MOV10L1: variants seen among roughly 807,000 people sequenced by gnomAD.
The protein encoded by MOV10L1 is Mov10 like RNA helicase 1, also known as RNA helicase Mov10l1.
In MOV10L1, 110 loss-of-function variants were observed where a neutral mutation model predicts 143.8. The ratio of observed to expected loss-of-function variants is 0.76; its 90% CI spans 0.66 to 0.90. The LOEUF (loss-of-function observed/expected upper bound fraction) is 0.90, where lower values mean the gene tolerates loss of function less well. Among genes scored for constraint, MOV10L1 ranks in the 40% least tolerant of loss-of-function variants. The pLI is 0.00. For synonymous variants in MOV10L1, 593 were observed against 581.1 expected (o/e 1.02, Z -0.29); for missense variants, 1,406 against 1,526.8 (o/e 0.92, Z 1.32).
At chr22:50,132,057 C>T (rs933167034) in intron 13 of MOV10L1, among the ~76,000 whole-genome samples, 2 of 152,162 alleles carry the variant, frequency 1.3e-5, no homozygotes, top group Non-Finnish European at 2.9e-5. Context: ...CTCTGTGCTC[C>T]CTTGTGTAAG....
intron 22 of MOV10L1, among the ~76,000 whole-genome samples, chr22:50,155,482 C>A (rs953319404): frequency 6.6e-6 from 1 of 151,590 alleles, no homozygotes; most frequent in Non-Finnish European, 1.5e-5. Flanking sequence ...TTTTGTTTAT[C>A]TGTTTTGTTT....
At chr22:50,156,134 A>G (rs1279473062) in intron 22 of MOV10L1, among the ~76,000 whole-genome samples, 5 of 146,012 alleles carry the variant, frequency 3.4e-5, no homozygotes, top group Non-Finnish European at 6.0e-5. Flanking sequence ...TTTTTTTTTT[A>G]GACAGTTGTC....
intron 19 of MOV10L1, among the ~76,000 whole-genome samples, chr22:50,148,808 C>T (rs566390686): frequency 2.0e-5 from 3 of 152,210 alleles, no homozygotes; most frequent in South Asian, 2.1e-4. Context: ...GGACTACAGG[C>T]GCCCGCCACC....
chr22:50,100,709 G>A (rs1000611165), intron 3 of MOV10L1, among the ~76,000 whole-genome samples: 1 of 151,996 alleles, frequency 6.6e-6, no homozygotes, highest in Non-Finnish European at 1.5e-5. Context: ...GTTTCACCAT[G>A]TTGGCCAGTC....
intron 2 of MOV10L1, chr22:50,093,139 G>A (rs982765703): frequency 6.6e-6 from 1 of 152,210 alleles, no homozygotes; most frequent in Non-Finnish European, 1.5e-5. Context: ...CTGACCTCGT[G>A]ATCTGCCCAC....
chr22:50,127,067 T>G (rs373459683), intron 12 of MOV10L1, among the ~76,000 whole-genome samples: 15 of 152,250 alleles, frequency 9.9e-5, no homozygotes, highest in African/African-American at 3.4e-4. Flanking sequence ...GACTGAGATG[T>G]GAGACACGAG....
chr22:50,098,212 A>AATTAATT (rs2062639416), intron 2 of MOV10L1, among the ~76,000 whole-genome samples: 2 of 148,508 alleles, frequency 1.3e-5, no homozygotes, highest in Non-Finnish European at 2.9e-5. Flanking sequence ...TCTTAATAAT[A>AATTAATT]ATTAAGTATT....
At position 50,145,752 on chromosome 22, in the gene MOV10L1, T is replaced by G; in HGVS notation, c.2569T>G (p.Phe857Val). The change falls in exon 19 of 27, where the codon TTC becomes GTC. Residue 857 changes from phenylalanine to valine, a missense_variant. Phe to Val is a conservative substitution (Grantham distance 50). Transcript: ENST00000262794. ...AGAAGACATCTGGAAAGCCTCACGC[T>G]TCCGGATAATCATCACCACATGCAG... The part of the protein sequence containing the change: ...DGEDIWKASR[F>V]RIIITTCSSS... 6.2e-7 allele frequency: 1 copy of G among 1,614,156 alleles called. No homozygotes were observed. The highest frequency in any genetic ancestry group is 8.5e-7 in the Non-Finnish European group (1 of 1,180,028).
chr22:50,137,765 A>G (rs934006657), intron 15 of MOV10L1, among the ~76,000 whole-genome samples: 1 of 131,942 alleles, frequency 7.6e-6, no homozygotes, highest in Non-Finnish European at 1.6e-5. Context: ...ATAAATATAC[A>G]TATTTTATAT....
chr22:50,091,840 C>A (rs113730619), intron 1 of MOV10L1, among the ~76,000 whole-genome samples, 161 bp from the exon 2 acceptor site: 324 of 152,308 alleles, frequency 2.1e-3, no homozygotes, highest in African/African-American at 7.6e-3. Flanking sequence ...ACACAGCACT[C>A]TCTGATGGGA....
In MOV10L1 at chr22:50,157,779, AAAG is replaced by A. The variant is rs2063463675; in HGVS notation, c.3067-276_3067-274del. On this transcript the variant is annotated intron_variant, in intron 22 of 26. Transcript: ENST00000262794. ...CTAATATCAAAAAAAAAAAAAAAAA[AAAG>A]ATCAGAAATACCAGCCAGCCCTCCA... Among the ~76,000 whole-genome samples, 8 of 151,462 alleles carry A rather than the reference AAAG, an allele frequency of 5.3e-5. No homozygotes were observed. The South Asian group carries it at 1.7e-3, about 32-fold the overall frequency.
intron 2 of MOV10L1, among the ~76,000 whole-genome samples, chr22:50,098,214 TTAAG>T (rs200115271): frequency 0.11 from 9,970 of 87,662 alleles, 1,125 homozygotes; most frequent in African/African-American, 0.27. Context: ...TTAATAATAA[TTAAG>T]TATTAAGATT....
intron 21 of MOV10L1, among the ~76,000 whole-genome samples, chr22:50,151,983 T>C (rs981743057): frequency 1.3e-5 from 2 of 152,226 alleles, no homozygotes; most frequent in African/African-American, 4.8e-5. Flanking sequence ...CAGCTGCCCA[T>C]GTCCAGCTAA....
intron 9 of MOV10L1, among the ~76,000 whole-genome samples, chr22:50,117,891 C>A (rs548994883): frequency 6.6e-6 from 1 of 152,278 alleles, no homozygotes; most frequent in African/African-American, 2.4e-5. Flanking sequence ...CAGGAAAGCA[C>A]TTCACATCCA....
chr22:50,134,686 G>A (rs2062772147), intron 15 of MOV10L1, 56 bp downstream of exon 15: 4 of 1,494,400 alleles, frequency 2.7e-6, no homozygotes, highest in Admixed American at 3.4e-5. Flanking sequence ...CGACGTGGCT[G>A]TCTTTACATA....
chr22:50,102,425 G>T (rs989914625), intron 3 of MOV10L1, among the ~76,000 whole-genome samples: 1 of 152,152 alleles, frequency 6.6e-6, no homozygotes. Context: ...TATAACTTCT[G>T]ACCTAAAGGT....
At chr22:50,142,897 C>G (rs1569032242) in intron 16 of MOV10L1, 146 bp from the exon 17 acceptor site, 3 of 690,274 alleles carry the variant, frequency 4.3e-6, no homozygotes, top group East Asian at 2.7e-5. Flanking sequence ...CATCTTACCC[C>G]TGGTCACACT....
At position 50,117,266 on chromosome 22, in the gene MOV10L1, C is replaced by G; in HGVS notation, c.1369C>G (p.Arg457Gly). 1 of 1,614,032 alleles carries G rather than the reference C, an allele frequency of 6.2e-7. No homozygotes were observed. Among genetic ancestry groups the G allele is most frequent in the South Asian group, 1.1e-5 (1 of 91,072 alleles). ...ISGEESLIAA[R>G]EPFSWKKLKS... ...TGGGGAGGAGTCACTAATTGCTGCG[C>G]GCGAACCATTTTCTTGGAAAAAGCT... The change falls in exon 9 of 27, where the codon CGC becomes GGC. Residue 457 changes from arginine (R) to glycine (G), a missense_variant. Physicochemically the swap from Arg to Gly is moderately radical, Grantham distance 125. Transcript: ENST00000262794.
intron 13 of MOV10L1, among the ~76,000 whole-genome samples, chr22:50,133,256 C>T (rs1182390841): frequency 6.6e-6 from 1 of 151,700 alleles, no homozygotes; most frequent in African/African-American, 2.4e-5. Context: ...GGCCCTCTAT[C>T]AGGTTGAGGA....
Sources: gnomAD v4.1 joint callset for allele counts (sites outside exome capture counted in the v4.1 genomes callset) on GRCh38, gnomAD v4.1.1 for gene constraint, MANE v1.5 for transcripts, NCBI Gene and HGNC (gene_info 2026-07-23, HGNC 2026-07-21) for gene names.